Variants in SCHIP1 observed in about 807,000 individuals in gnomAD.
The protein encoded by SCHIP1 is schwannomin interacting protein 1, also known as schwannomin-interacting protein 1.
A neutral mutation model predicts 29.7 loss-of-function variants in SCHIP1; 8 were observed. That is an observed-to-expected ratio of 0.27 (90% CI 0.16 to 0.49). The LOEUF (loss-of-function observed/expected upper bound fraction) is 0.49, where lower values mean the gene tolerates loss of function less well. Ranked by LOEUF, SCHIP1 falls within the 20% of genes least tolerant of loss-of-function variation. The probability of loss-of-function intolerance (pLI) is 0.99; values close to 1 mark genes in which losing one functional copy is unlikely to be tolerated. For missense variants in SCHIP1, 193 were observed against 294.6 expected (o/e 0.66, Z 2.52); for synonymous variants, 76 against 94.9 (o/e 0.80, Z 1.16).
the SCHIP1 span, among the ~76,000 whole-genome samples, chr3:159,647,692 T>C: frequency 2.6e-5 from 4 of 152,142 alleles, no homozygotes; most frequent in African/African-American, 9.7e-5. Context: ...ACTGGACTGG[T>C]CCAAGATAAA....
the SCHIP1 span, among the ~76,000 whole-genome samples, chr3:159,500,532 T>C: frequency 6.6e-6 from 1 of 151,882 alleles, no homozygotes; most frequent in Non-Finnish European, 1.5e-5. Flanking sequence ...GCCAACATGG[T>C]GAAATCCTGT....
At chr3:159,291,734 C>T in the SCHIP1 span, among the ~76,000 whole-genome samples, 4 of 152,058 alleles carry the variant, frequency 2.6e-5, no homozygotes, top group Non-Finnish European at 5.9e-5. Flanking sequence ...CAAATCTAAT[C>T]GAGTCTTTGT....
the SCHIP1 span, among the ~76,000 whole-genome samples, chr3:159,320,158 T>C: frequency 6.6e-6 from 1 of 152,262 alleles, no homozygotes; most frequent in East Asian, 1.9e-4. Flanking sequence ...TATGGTTACA[T>C]AACTAATTTA....
the SCHIP1 span, chr3:159,398,860 G>A: frequency 2.4e-6 from 1 of 412,500 alleles, no homozygotes; most frequent in Non-Finnish European, 3.3e-6. Flanking sequence ...TTCATGTTGA[G>A]TTTTAGTACC....
At chr3:159,273,385 GTAT>G in the SCHIP1 span, 1 of 1,000,544 alleles carries the variant, frequency 1.0e-6, no homozygotes, top group Non-Finnish European at 1.2e-6. Flanking sequence ...CTATTTTATT[GTAT>G]TATTTTTAAT....
the SCHIP1 span, among the ~76,000 whole-genome samples, chr3:159,438,804 T>A: frequency 6.6e-6 from 1 of 152,182 alleles, no homozygotes; most frequent in Non-Finnish European, 1.5e-5. Flanking sequence ...TCCATGTCCC[T>A]ACAAAGGACA....
chr3:159,616,261 A>G, the SCHIP1 span, among the ~76,000 whole-genome samples: 3 of 152,218 alleles, frequency 2.0e-5, no homozygotes, highest in South Asian at 4.1e-4. Flanking sequence ...ACCATGCCCA[A>G]CTAATTTTTT....
chr3:159,659,528 T>C, the SCHIP1 span, among the ~76,000 whole-genome samples: 2 of 152,340 alleles, frequency 1.3e-5, no homozygotes, highest in South Asian at 2.1e-4. Flanking sequence ...CATCAGACCA[T>C]GCAGCTTCAT....
At chr3:159,835,714 A>G (rs991177769), upstream of SCHIP1, among the ~76,000 whole-genome samples, 1 of 152,188 alleles carries the variant, frequency 6.6e-6, no homozygotes, top group African/African-American at 2.4e-5. Flanking sequence ...CTGTATAGCC[A>G]AACACTTAAT....
chr3:159,562,744 C>T, the SCHIP1 span, among the ~76,000 whole-genome samples: 3 of 152,144 alleles, frequency 2.0e-5, no homozygotes, highest in African/African-American at 7.2e-5. Context: ...CAGAAGCAAC[C>T]ACATGGGAGA....
At chr3:159,651,777 T>G in the SCHIP1 span, among the ~76,000 whole-genome samples, 1 of 152,206 alleles carries the variant, frequency 6.6e-6, no homozygotes, top group East Asian at 1.9e-4. Flanking sequence ...CATTTTATTG[T>G]TGAACTACTC....
the SCHIP1 span, among the ~76,000 whole-genome samples, chr3:159,395,235 G>C: frequency 6.6e-6 from 1 of 151,594 alleles, no homozygotes. Context: ...TCTTGCTAGC[G>C]GTCTATCTAT....
At chr3:159,805,821 T>A in the SCHIP1 span, among the ~76,000 whole-genome samples, 21 of 151,640 alleles carry the variant, frequency 1.4e-4, no homozygotes, top group East Asian at 4.1e-3. Flanking sequence ...TTTTTTTTTT[T>A]TTTTTGAGAG....
the SCHIP1 span, among the ~76,000 whole-genome samples, chr3:159,626,531 G>A: frequency 2.0e-5 from 3 of 151,902 alleles, no homozygotes; most frequent in Non-Finnish European, 2.9e-5. Flanking sequence ...AACAAGGGTC[G>A]TCTGGGGCAT....
chr3:159,621,011 C>T, the SCHIP1 span, among the ~76,000 whole-genome samples: 1 of 152,110 alleles, frequency 6.6e-6, no homozygotes, highest in African/African-American at 2.4e-5. Flanking sequence ...TTCAACATGC[C>T]TTTTATAAGT....
At chr3:159,617,987 C>T in the SCHIP1 span, among the ~76,000 whole-genome samples, 2 of 151,956 alleles carry the variant, frequency 1.3e-5, no homozygotes, top group Non-Finnish European at 2.9e-5. Context: ...ATAATTTGGA[C>T]ATGTGAAAAA....
At chr3:159,694,947 T>A in the SCHIP1 span, among the ~76,000 whole-genome samples, 5 of 152,322 alleles carry the variant, frequency 3.3e-5, no homozygotes, top group East Asian at 7.7e-4. Flanking sequence ...GTGCAATTAG[T>A]AGGCTGAGTT....
the SCHIP1 span, among the ~76,000 whole-genome samples, chr3:159,771,046 C>A: frequency 6.6e-6 from 1 of 152,152 alleles, no homozygotes; most frequent in Non-Finnish European, 1.5e-5. Flanking sequence ...ATTCTTCTGA[C>A]GAAGTTATTT....
At chr3:159,453,549 T>C in the SCHIP1 span, among the ~76,000 whole-genome samples, 1 of 152,232 alleles carries the variant, frequency 6.6e-6, no homozygotes, top group Non-Finnish European at 1.5e-5. Flanking sequence ...TGAAACTTTT[T>C]AAGCCTCATT....
Sources: allele counts gnomAD v4.1 joint callset (sites outside exome capture counted in the v4.1 genomes callset), GRCh38; gene constraint gnomAD v4.1.1; transcripts MANE v1.5; gene names NCBI Gene and HGNC (gene_info 2026-07-23, HGNC 2026-07-21).